The following HPN variants were observed in gnomAD, a reference collection of about 807,000 sequenced individuals.
HPN encodes serine protease hepsin.
HPN carries 13 observed loss-of-function variants against 55.9 expected under a neutral mutation model. The observed-to-expected ratio is 0.23, with a 90% CI of 0.15 to 0.37. The LOEUF (loss-of-function observed/expected upper bound fraction) is 0.37, where lower values mean the gene tolerates loss of function less well. Ranked by LOEUF, HPN falls within the 10% of genes least tolerant of loss-of-function variation. HPN has a pLI of 1.00. For missense variants in HPN, 451 were observed against 575.8 expected, an observed-to-expected ratio of 0.78 and a Z score of 2.22; for synonymous variants, 225 against 240.3, an observed-to-expected ratio of 0.94 and a Z score of 0.59.
intron 2 of HPN, among the ~76,000 whole-genome samples, chr19:35,048,514 C>T (rs1294554695): frequency 1.3e-5 from 2 of 152,014 alleles, no homozygotes; most frequent in African/African-American, 4.8e-5. Context: ...CAGTGGATGC[C>T]CATTTAATAG....
intron 4 of HPN, among the ~76,000 whole-genome samples, chr19:35,054,145 C>T (rs1219433163): frequency 6.6e-6 from 1 of 152,128 alleles, no homozygotes; most frequent in Non-Finnish European, 1.5e-5. Flanking sequence ...TGGCTGGGCA[C>T]AGTGGCTCAC....
upstream of HPN, chr19:35,041,676 C>G: frequency 2.7e-6 from 3 of 1,103,936 alleles, no homozygotes; most frequent in Non-Finnish European, 3.4e-6. Flanking sequence ...GGTCCGGCCC[C>G]TCCCCGCCCC....
chr19:35,046,851 CAG>C (rs1170712655), intron 2 of HPN, among the ~76,000 whole-genome samples: 3 of 151,202 alleles, frequency 2.0e-5, no homozygotes, highest in African/African-American at 7.3e-5. Context: ...TTTTTTGAGA[CAG>C]AGTCTCGCTC....
At chr19:35,065,808 G>T in intron 11 of HPN, 60 bp from the exon 12 acceptor site, 1 of 1,513,518 alleles carries the variant, frequency 6.6e-7, no homozygotes, top group South Asian at 1.1e-5. Context: ...ATGTCATCCC[G>T]GGGTGGGCCT....
chr19:35,059,524 C>T (rs528259997), intron 4 of HPN, 149 bp from the exon 5 acceptor site: 8 of 975,262 alleles, frequency 8.2e-6, no homozygotes, highest in South Asian at 5.5e-5. Flanking sequence ...GATGCAATCG[C>T]AGATGTGGGG....
intron 4 of HPN, among the ~76,000 whole-genome samples, chr19:35,051,313 T>A (rs1350224392): frequency 6.6e-6 from 1 of 152,012 alleles, no homozygotes; most frequent in Admixed American, 6.5e-5. Context: ...TTCACCATGT[T>A]GGCCAGGATG....
chr19:35,046,877 G>A (rs2064347196), intron 2 of HPN, among the ~76,000 whole-genome samples: 1 of 151,978 alleles, frequency 6.6e-6, no homozygotes, highest in African/African-American at 2.4e-5. Context: ...CGCCCAAGCT[G>A]AAGTGCAGTG....
intron 4 of HPN, among the ~76,000 whole-genome samples, chr19:35,057,950 A>G (rs1369613744): frequency 2.6e-5 from 4 of 152,078 alleles, no homozygotes; most frequent in Non-Finnish European, 5.9e-5. Flanking sequence ...CAGGAGTTTG[A>G]GACTAGCCTG....
rs2081204659 is a variant in HPN at position 35,059,734 on chromosome 19, G to T, written c.222G>T (p.Arg74=). 6.3e-7 allele frequency: 1 copy of T among 1,595,730 alleles called. No homozygotes were observed. The highest frequency in any genetic ancestry group is 8.5e-7 in the Non-Finnish European group (1 of 1,172,048). The part of the protein sequence containing the change: ...MVFDKTEGTW[R]LLCSSRSNAR... ...TTGACAAGACGGAAGGGACGTGGCG[G>T]CTGCTGTGCTCCTCGCGCTCCAACG... Residue 74 remains arginine (R), a synonymous_variant, in exon 5 of 13, where the codon CGG becomes CGT. Coordinates refer to ENST00000672452, the MANE Select transcript of HPN (RefSeq NM_001384133.1).
rs1040110210 is a variant in HPN, at chr19:35,066,335, T to C, written c.*48T>C. The C allele has an allele frequency of 6.3e-7, 1 of 1,588,188 alleles. No homozygotes were observed. The highest frequency in any genetic ancestry group is 8.6e-7 in the Non-Finnish European group (1 of 1,168,466). ...CCTCCAGGGCCCGAGGTGATCCCGGTGGTGGGATCCACGCTGGGCCTAGGA... is the reference window on the plus strand; with the variant it reads ...CCTCCAGGGCCCGAGGTGATCCCGGCGGTGGGATCCACGCTGGGCCTAGGA... On this transcript the variant is annotated 3_prime_UTR_variant, in exon 13 of 13. Coordinates refer to ENST00000672452, the MANE Select transcript of HPN (RefSeq NM_001384133.1).
At position 35,060,425 on chromosome 19, in the gene HPN, T is replaced by A; in HGVS notation, c.533T>A (p.Val178Asp). 6.2e-7 allele frequency: 1 copy of A among 1,613,276 alleles called. No homozygotes were observed. Among genetic ancestry groups the A allele is most frequent in the Non-Finnish European group, 8.5e-7 (1 of 1,179,970 alleles). ...DTSLGRWPWQ[V>D]SLRYDGAHLC... is the part of the protein sequence containing the mutation. ...AGCTTGGGCCGGTGGCCGTGGCAAG[T>A]CAGCCTTCGCTATGATGGAGCACAC... Residue 178 changes from valine (V) to aspartate (D), a missense_variant, in exon 8 of 13, where the codon GTC becomes GAC. Coordinates refer to ENST00000672452, the MANE Select transcript of HPN (RefSeq NM_001384133.1).
At chr19:35,059,295 T>TACAAA (rs112693522) in intron 4 of HPN, 5,490 of 361,272 alleles carry the variant, frequency 0.015, 297 homozygotes, top group African/African-American at 0.11. Flanking sequence ...GACCCGTCTC[T>TACAAA]ACAAAACAAA....
In HPN at chr19:35,041,855, C is replaced by G. The variant is rs778230087; in HGVS notation, c.-72C>G. ...CGGCACTACCTCGAGGCTCCGCCCC[C>G]ACCTGCTGGACCCCAGGGTAAGGAC... On this transcript the variant is annotated 5_prime_UTR_variant, in exon 1 of 13. Coordinates refer to ENST00000672452, the MANE Select transcript of HPN (RefSeq NM_001384133.1). 4 of 1,342,798 alleles carry G rather than the reference C, an allele frequency of 3.0e-6. No homozygotes were observed. The highest frequency in any genetic ancestry group is 3.9e-6 in the Non-Finnish European group (4 of 1,017,814). The allele number at this position is 1,342,798 out of a possible 1,614,324, so 83.2% of individuals were successfully genotyped here.
intron 9 of HPN, among the ~76,000 whole-genome samples, chr19:35,061,669 G>T (rs912988636): frequency 6.6e-6 from 1 of 152,098 alleles, no homozygotes. Flanking sequence ...CCATAGAAAT[G>T]AATGAGGTAC....
At chr19:35,062,416 G>A (rs1382721693) in intron 9 of HPN, among the ~76,000 whole-genome samples, 1 of 39,596 alleles carries the variant, frequency 2.5e-5, no homozygotes, top group Non-Finnish European at 1.2e-4. Context: ...AAGAAAATGT[G>A]TTAAAAATGA....
In HPN at chr19:35,065,200, C is replaced by T. The variant is rs370171345; in HGVS notation, c.812-50C>T. The T allele has an allele frequency of 9.3e-5, 126 of 1,348,486 alleles. 1 individual carries two copies. In the South Asian group the frequency reaches 1.4e-3, roughly 15 times the overall value. The allele number at this position is 1,348,486 out of a possible 1,614,324, so 83.5% of individuals were successfully genotyped here. On this transcript the variant is annotated intron_variant, in intron 9 of 12. Transcript: ENST00000672452. ...GGTAGCAGCTGGACAGAGGTTTGTA[C>T]CAGGTGGGGCAGGCCAGCGGGGGCT...
chr19:35,049,154 G>A (rs931570241), intron 2 of HPN, 136 bp from the exon 3 acceptor site: 20 of 539,512 alleles, frequency 3.7e-5, no homozygotes, highest in East Asian at 1.3e-4. Context: ...TGCTGGCCCC[G>A]GGAAACTGGG....
chr19:35,060,878 GA>G, intron 9 of HPN, 61 bp downstream of exon 9: 1 of 1,405,548 alleles, frequency 7.1e-7, no homozygotes. Flanking sequence ...CAGAGGAGGG[GA>G]CCAGGGGCAC....
At chr19:35,065,390 T>G in intron 10 of HPN, 45 bp downstream of exon 10, 1 of 1,582,848 alleles carries the variant, frequency 6.3e-7, no homozygotes, top group Non-Finnish European at 8.7e-7. Flanking sequence ...TGGGAGACTC[T>G]GAACTAGGCT....
Sources: gnomAD v4.1 joint callset for allele counts (sites outside exome capture counted in the v4.1 genomes callset) on GRCh38, gnomAD v4.1.1 for gene constraint, MANE v1.5 for transcripts, NCBI Gene and HGNC (gene_info 2026-07-23, HGNC 2026-07-21) for gene names.